The following COTL1 variants were observed in gnomAD, a reference collection of about 807,000 sequenced individuals.
COTL1 encodes coactosin like F-actin binding protein 1, also known as coactosin-like protein.
In COTL1, 15 loss-of-function variants were observed where a neutral mutation model predicts 16.5. That is an observed-to-expected ratio of 0.91 (90% CI 0.61 to 1.40). COTL1 has a LOEUF of 1.40. Among genes scored for constraint, COTL1 ranks in the 40% most tolerant of loss-of-function variants. The pLI, the probability that COTL1 is intolerant of heterozygous loss-of-function variation, is 0.00. For missense variants in COTL1, 220 were observed against 201.5 expected (o/e 1.09, Z -0.56); for synonymous variants, 112 against 85.3 (o/e 1.31, Z -1.73).
chr16:84,593,716 G>A (rs966182569), intron 2 of COTL1, among the ~76,000 whole-genome samples: 2 of 151,976 alleles, frequency 1.3e-5, no homozygotes, highest in African/African-American at 4.8e-5. Flanking sequence ...TTTCACCGTG[G>A]TCTTGATCTC....
At chr16:84,601,591 G>C (rs1481520520) in intron 2 of COTL1, among the ~76,000 whole-genome samples, 1 of 152,120 alleles carries the variant, frequency 6.6e-6, no homozygotes, top group Non-Finnish European at 1.5e-5. Context: ...CGAGTAGCTG[G>C]GATTACTGGC....
chr16:84,581,678 T>A (rs1445616466), intron 3 of COTL1, among the ~76,000 whole-genome samples: 1 of 152,036 alleles, frequency 6.6e-6, no homozygotes, highest in Admixed American at 6.6e-5. Context: ...CTAATTTTTG[T>A]ATTTTTAGTA....
At position 84,587,763 on chromosome 16, in the gene COTL1, G is replaced by A. The variant is rs944096639; in HGVS notation, c.318+2342C>T. Among the ~76,000 whole-genome samples, 6 of 151,522 alleles carry A rather than the reference G, an allele frequency of 4.0e-5. No homozygotes were observed. The East Asian group carries it at 7.7e-4, about 20-fold the overall frequency. ...CAGGGGGACCACAGGACTCTATTAT[G>A]TCCTATCATTATTTATTTATTTATT... is the stretch of plus-strand genomic sequence containing the variant. On this transcript the variant is annotated intron_variant, in intron 3 of 3. Coordinates refer to ENST00000262428, the MANE Select transcript of COTL1 (RefSeq NM_021149.5).
intron 2 of COTL1, chr16:84,594,784 T>C (rs1473155679): frequency 6.6e-6 from 1 of 152,254 alleles, no homozygotes; most frequent in African/African-American, 2.4e-5. Flanking sequence ...CTCAACCATG[T>C]GTTCAGCCCA....
intron 2 of COTL1, among the ~76,000 whole-genome samples, chr16:84,605,175 T>C (rs2150694696): frequency 6.6e-6 from 1 of 152,322 alleles, no homozygotes; most frequent in Middle Eastern, 3.4e-3. Flanking sequence ...CCCCACGGTG[T>C]TCCACAGAAG....
intron 3 of COTL1, among the ~76,000 whole-genome samples, chr16:84,572,464 A>C (rs1904354725): frequency 1.3e-5 from 2 of 152,042 alleles, no homozygotes; most frequent in African/African-American, 2.4e-5. Flanking sequence ...ACAGAATGTT[A>C]ATTTCTCTTT....
chr16:84,598,955 C>T (rs1905061026), intron 2 of COTL1, among the ~76,000 whole-genome samples: 1 of 150,878 alleles, frequency 6.6e-6, no homozygotes, highest in Admixed American at 6.6e-5. Flanking sequence ...CACAAAGGGG[C>T]TAGGGAGGGG....
intron 2 of COTL1, among the ~76,000 whole-genome samples, chr16:84,608,780 C>T (rs1351717003): frequency 6.6e-6 from 1 of 152,148 alleles, no homozygotes; most frequent in African/African-American, 2.4e-5. Flanking sequence ...GTAGCAGGCG[C>T]CTGTAGTCCC....
At chr16:84,605,046 C>T (rs1352658457) in intron 2 of COTL1, among the ~76,000 whole-genome samples, 1 of 152,192 alleles carries the variant, frequency 6.6e-6, no homozygotes, top group East Asian at 1.9e-4. Flanking sequence ...AGCATTGCTC[C>T]CCAGACACAC....
At chr16:84,592,066 G>A (rs1904883782) in intron 2 of COTL1, among the ~76,000 whole-genome samples, 2 of 152,020 alleles carry the variant, frequency 1.3e-5, no homozygotes, top group Non-Finnish European at 2.9e-5. Flanking sequence ...CCCTCACCTG[G>A]CCCCACCAGT....
At chr16:84,615,853 T>TTTTGTGTGTGTG (rs1555524988) in intron 2 of COTL1, among the ~76,000 whole-genome samples, 1 of 149,702 alleles carries the variant, frequency 6.7e-6, no homozygotes, top group Non-Finnish European at 1.5e-5. Flanking sequence ...AATTTTAGTT[T>TTTTGTGTGTGTG]TGTGTGTGTG....
chr16:84,587,760 T>TTTA (rs1904765374), intron 3 of COTL1, among the ~76,000 whole-genome samples: 1 of 152,022 alleles, frequency 6.6e-6, no homozygotes. Context: ...AGGACTCTAT[T>TTTA]ATGTCCTATC....
intron 2 of COTL1, among the ~76,000 whole-genome samples, chr16:84,607,915 G>T (rs1905246117): frequency 6.6e-6 from 1 of 152,218 alleles, no homozygotes; most frequent in Non-Finnish European, 1.5e-5. Context: ...TATCGGGCAG[G>T]AAGCAGAAGC....
intron 3 of COTL1, among the ~76,000 whole-genome samples, chr16:84,581,009 G>A (rs1014981123): frequency 3.3e-5 from 5 of 152,146 alleles, no homozygotes; most frequent in Admixed American, 1.3e-4. Flanking sequence ...GGGCATGGTG[G>A]CAGGTGCCTG....
At chr16:84,595,719 GAT>G (rs759813827) in intron 2 of COTL1, 6 of 152,162 alleles carry the variant, frequency 3.9e-5, no homozygotes, top group Non-Finnish European at 7.3e-5. Flanking sequence ...ATATTAGTGT[GAT>G]ATGTGTGTGC....
At chr16:84,602,612 T>TG (rs1387198944) in intron 2 of COTL1, among the ~76,000 whole-genome samples, 1 of 152,254 alleles carries the variant, frequency 6.6e-6, no homozygotes, top group African/African-American at 2.4e-5. Context: ...CCCAGCACTT[T>TG]GGGAGGCCAA....
At chr16:84,605,536 A>T (rs1367609833) in intron 2 of COTL1, among the ~76,000 whole-genome samples, 1 of 152,214 alleles carries the variant, frequency 6.6e-6, no homozygotes, top group Non-Finnish European at 1.5e-5. Flanking sequence ...TATCTGGGTG[A>T]CACCCACGTG....
chr16:84,612,499 G>C (rs957721670), intron 2 of COTL1, among the ~76,000 whole-genome samples: 1 of 151,802 alleles, frequency 6.6e-6, no homozygotes, highest in African/African-American at 2.4e-5. Flanking sequence ...ATAATTATTT[G>C]AGGCCGGGCG....
chr16:84,604,955 G>T (rs191365789), intron 2 of COTL1, among the ~76,000 whole-genome samples: 18 of 152,372 alleles, frequency 1.2e-4, no homozygotes, highest in African/African-American at 4.3e-4. Context: ...GGCGAGCCCT[G>T]CAGGCAAAAG....
Sources: allele counts gnomAD v4.1 joint callset (sites outside exome capture counted in the v4.1 genomes callset), GRCh38; gene constraint gnomAD v4.1.1; transcripts MANE v1.5; gene names NCBI Gene and HGNC (gene_info 2026-07-23, HGNC 2026-07-21).